SETBP1: variants seen among roughly 807,000 people sequenced by gnomAD.
The protein encoded by SETBP1 is SET binding protein 1.
SETBP1 carries 9 observed loss-of-function variants against 101.0 expected under a neutral mutation model. That is an observed-to-expected ratio of 0.09 (90% CI 0.05 to 0.16). The LOEUF (loss-of-function observed/expected upper bound fraction) is 0.16, where lower values mean the gene tolerates loss of function less well. Ranked by LOEUF, SETBP1 falls within the 10% of genes least tolerant of loss-of-function variation. The pLI is 1.00. For synonymous variants in SETBP1, 818 were observed against 788.5 expected (o/e 1.04, Z -0.63); for missense variants, 1,858 against 2,033.8 (o/e 0.91, Z 1.66).
chr18:44,832,816 T>C (rs1242103798), intron 2 of SETBP1, among the ~76,000 whole-genome samples: 2 of 152,226 alleles, frequency 1.3e-5, no homozygotes, highest in Non-Finnish European at 2.9e-5. Context: ...CGATCTAGGC[T>C]AGTTACACAA....
At chr18:45,057,382 A>G (rs2073826752) in intron 5 of SETBP1, among the ~76,000 whole-genome samples, 1 of 152,080 alleles carries the variant, frequency 6.6e-6, no homozygotes, top group Admixed American at 6.5e-5. Flanking sequence ...TAAGATAAAT[A>G]AATAAAATGC....
intron 4 of SETBP1, among the ~76,000 whole-genome samples, chr18:45,002,631 G>C (rs768682860): frequency 6.6e-6 from 1 of 152,250 alleles, no homozygotes; most frequent in African/African-American, 2.4e-5. Flanking sequence ...TCTAAGCACT[G>C]CCTGTTATTG....
At chr18:44,875,387 G>A (rs1215546819) in intron 3 of SETBP1, among the ~76,000 whole-genome samples, 1 of 151,946 alleles carries the variant, frequency 6.6e-6, no homozygotes, top group Non-Finnish European at 1.5e-5. Flanking sequence ...GCGTGGTGCT[G>A]CGTGCCTGTA....
At chr18:44,878,062 G>A (rs1274698367) in intron 3 of SETBP1, among the ~76,000 whole-genome samples, 3 of 152,134 alleles carry the variant, frequency 2.0e-5, no homozygotes, top group Non-Finnish European at 2.9e-5. Context: ...TTCTTATGCA[G>A]AAAATTTTTT....
intron 2 of SETBP1, among the ~76,000 whole-genome samples, chr18:44,791,786 G>A (rs1441383755): frequency 6.6e-6 from 1 of 152,090 alleles, no homozygotes; most frequent in Non-Finnish European, 1.5e-5. Context: ...CGCCTCCCTG[G>A]ACATTTAGAA....
At chr18:44,761,009 A>G (rs1279136438) in intron 2 of SETBP1, among the ~76,000 whole-genome samples, 1 of 152,220 alleles carries the variant, frequency 6.6e-6, no homozygotes, top group Non-Finnish European at 1.5e-5. Flanking sequence ...TGGTTACAAC[A>G]TTTGTATCTA....
chr18:44,690,754 A>G (rs2068917299), intron 1 of SETBP1, among the ~76,000 whole-genome samples: 1 of 152,238 alleles, frequency 6.6e-6, no homozygotes. Flanking sequence ...TCAGGGTTAA[A>G]TAGTATAATA....
At chr18:44,870,674 T>G (rs2069252061) in intron 3 of SETBP1, 1 of 152,224 alleles carries the variant, frequency 6.6e-6, no homozygotes, top group Non-Finnish European at 1.5e-5. Context: ...CCTCCACACC[T>G]ACACTCATAC....
intron 2 of SETBP1, among the ~76,000 whole-genome samples, chr18:44,779,473 G>A (rs545604885): frequency 7.2e-5 from 11 of 152,208 alleles, no homozygotes; most frequent in Non-Finnish European, 4.4e-5. Context: ...GCATGTATGA[G>A]GTTCCTTTTG....
chr18:44,916,477 A>G (rs2070430385), intron 3 of SETBP1, among the ~76,000 whole-genome samples: 1 of 151,960 alleles, frequency 6.6e-6, no homozygotes, highest in African/African-American at 2.4e-5. Context: ...TTCCACAGAT[A>G]TTTATTAAGT....
chr18:44,992,470 A>G (rs1370792318), intron 4 of SETBP1, among the ~76,000 whole-genome samples: 1 of 152,052 alleles, frequency 6.6e-6, no homozygotes, highest in African/African-American at 2.4e-5. Context: ...GGAAGGATAG[A>G]ATGCAAAGAA....
At chr18:44,974,475 G>T (rs961318407) in intron 4 of SETBP1, among the ~76,000 whole-genome samples, 1 of 152,134 alleles carries the variant, frequency 6.6e-6, no homozygotes, top group Non-Finnish European at 1.5e-5. Flanking sequence ...GAGGAGTCTA[G>T]GATTATTCAC....
At chr18:45,061,985 G>C (rs1599509531) in intron 5 of SETBP1, among the ~76,000 whole-genome samples, 1 of 152,208 alleles carries the variant, frequency 6.6e-6, no homozygotes, top group Admixed American at 6.5e-5. Context: ...CACCTTGAAG[G>C]TGGAGCCATG....
At chr18:44,813,134 T>G (rs2071898771) in intron 2 of SETBP1, among the ~76,000 whole-genome samples, 1 of 152,192 alleles carries the variant, frequency 6.6e-6, no homozygotes, top group Admixed American at 6.5e-5. Context: ...CCACAAGTGT[T>G]TCTCTGAGAG....
chr18:44,993,558 A>T (rs1599422530), intron 4 of SETBP1, among the ~76,000 whole-genome samples: 1 of 152,170 alleles, frequency 6.6e-6, no homozygotes, highest in East Asian at 1.9e-4. Flanking sequence ...ACCTAGAAAT[A>T]CATCTAACAA....
intron 5 of SETBP1, among the ~76,000 whole-genome samples, chr18:45,052,231 T>C (rs1193986216): frequency 1.3e-5 from 2 of 152,218 alleles, no homozygotes; most frequent in East Asian, 3.9e-4. Flanking sequence ...ATAATCATAA[T>C]AGAGGGCAGA....
At position 44,798,257 on chromosome 18, in the gene SETBP1, CA is replaced by C. The variant is rs202207705; in HGVS notation, c.487-70965del. 1.8e-4 allele frequency among the ~76,000 whole-genome samples: 27 copies of C among 151,564 alleles called. 1 individual carries two copies. Among genetic ancestry groups the C allele is most frequent in the South Asian group, 2.1e-4 (1 of 4,788 alleles). On this transcript the variant is annotated intron_variant, in intron 2 of 5. Transcript: ENST00000649279. The stretch of plus-strand genomic sequence containing the variant: ...CAAGACATAGTTGCTGAAACCATAA[CA>C]AAAAAAATGGTGTTCAAAAATCATA...
intron 2 of SETBP1, among the ~76,000 whole-genome samples, chr18:44,735,282 A>T (rs1398753330): frequency 1.3e-5 from 2 of 152,188 alleles, no homozygotes; most frequent in African/African-American, 2.4e-5. Context: ...CCTGAATTTT[A>T]GTTCTTCTTT....
chr18:44,728,800 A>G (rs2069769771), intron 2 of SETBP1, among the ~76,000 whole-genome samples: 1 of 152,216 alleles, frequency 6.6e-6, no homozygotes, highest in South Asian at 2.1e-4. Flanking sequence ...ATAATGGCAT[A>G]TGCAGAGGCA....
Sources: gnomAD v4.1 joint callset for allele counts (sites outside exome capture counted in the v4.1 genomes callset) on GRCh38, gnomAD v4.1.1 for gene constraint, MANE v1.5 for transcripts, NCBI Gene and HGNC (gene_info 2026-07-23, HGNC 2026-07-21) for gene names.